The following SOX5 variants were observed in gnomAD, a reference collection of about 807,000 sequenced individuals.
The protein encoded by SOX5 is transcription factor SOX-5.
Under a neutral mutation model 92.0 loss-of-function variants are expected in SOX5, and 9 were observed. That is an observed-to-expected ratio of 0.10 (90% CI 0.06 to 0.17). The LOEUF (loss-of-function observed/expected upper bound fraction) is 0.17. Among genes scored for constraint, SOX5 ranks in the 10% least tolerant of loss-of-function variants. The pLI is 1.00. For synonymous variants in SOX5, 344 were observed against 336.3 expected, an observed-to-expected ratio of 1.02 and a Z score of -0.25; for missense variants, 642 against 944.5, an observed-to-expected ratio of 0.68 and a Z score of 4.20.
chr12:23,841,486 G>C (rs1468755945), intron 3 of SOX5, among the ~76,000 whole-genome samples: 1 of 152,000 alleles, frequency 6.6e-6, no homozygotes, highest in Non-Finnish European at 1.5e-5. Flanking sequence ...CACATAAAAA[G>C]CTGCACATGA....
rs1275308632 is a variant in SOX5 at position 24,393,103 on chromosome 12, AATTAT to A, written c.-250-24469_-250-24465del. 1.3e-5 allele frequency among the ~76,000 whole-genome samples: 2 copies of A among 152,176 alleles called. No homozygotes were observed. The highest frequency in any genetic ancestry group is 4.8e-5 in the African/African-American group (2 of 41,434). On this transcript the variant is annotated intron_variant, in intron 1 of 4. Transcript: ENST00000446891. The surrounding 1 kb of genome is among the most constrained non-coding windows in gnomAD (Gnocchi z 5.0). ...TTTCTATCTCAACCACCACTCTCCC[AATTAT>A]AATAAATGAATAAAGTAGATTGAAG...
At chr12:23,616,739 T>A (rs2076599685) in intron 8 of SOX5, among the ~76,000 whole-genome samples, 1 of 151,928 alleles carries the variant, frequency 6.6e-6, no homozygotes, top group Admixed American at 6.6e-5. Context: ...AGTTGTTGGG[T>A]GTATAAGGGT....
chr12:23,775,869 C>T (rs1334896582), intron 3 of SOX5, among the ~76,000 whole-genome samples: 3 of 152,158 alleles, frequency 2.0e-5, no homozygotes, highest in Non-Finnish European at 4.4e-5. Context: ...CCTTCTTTGA[C>T]ATACCATCTA....
intron 3 of SOX5, among the ~76,000 whole-genome samples, chr12:23,767,146 G>A (rs55791539): frequency 0.02 from 2,966 of 151,970 alleles, 87 homozygotes; most frequent in African/African-American, 0.064. Context: ...GGTAGAGGCT[G>A]CAGTGAGCCA....
At chr12:24,213,988 ATACTT>A (rs1958952397) in intron 3 of SOX5, among the ~76,000 whole-genome samples, 1 of 151,866 alleles carries the variant, frequency 6.6e-6, no homozygotes, top group African/African-American at 2.4e-5. Context: ...TAGAGCTACA[ATACTT>A]TACGCAAAAC....
chr12:24,430,238 T>G (rs889391161), intron 1 of SOX5, among the ~76,000 whole-genome samples: 3 of 152,160 alleles, frequency 2.0e-5, no homozygotes, highest in African/African-American at 7.2e-5. Flanking sequence ...GTTCTTAATC[T>G]TTGGTGTTTG....
intron 1 of SOX5, among the ~76,000 whole-genome samples, chr12:23,937,015 ACTTTC>A (rs1489728848): frequency 1.3e-5 from 2 of 150,990 alleles, no homozygotes; most frequent in Admixed American, 1.3e-4. Flanking sequence ...GTTTCTTTAT[ACTTTC>A]CTAAATCACA....
chr12:23,620,908 A>G (rs2077095730), intron 8 of SOX5, among the ~76,000 whole-genome samples: 1 of 152,108 alleles, frequency 6.6e-6, no homozygotes, highest in East Asian at 1.9e-4. Context: ...TACTCTAAAT[A>G]ATTAGAAAAT....
chr12:24,317,171 A>G (rs1949771250), intron 2 of SOX5, among the ~76,000 whole-genome samples: 1 of 152,238 alleles, frequency 6.6e-6, no homozygotes. Context: ...AGCACTGACT[A>G]TAAAATATGC....
intron 6 of SOX5, among the ~76,000 whole-genome samples, chr12:23,721,800 G>C (rs1053195250): frequency 5.9e-5 from 9 of 152,200 alleles, no homozygotes; most frequent in Non-Finnish European, 1.2e-4. Flanking sequence ...GATTATACAT[G>C]AAGTTTAGCC....
chr12:24,526,091 A>G (rs1318915933), intron 1 of SOX5, among the ~76,000 whole-genome samples: 3 of 152,076 alleles, frequency 2.0e-5, no homozygotes, highest in African/African-American at 7.2e-5. Flanking sequence ...GGCCGGTCTC[A>G]TACTCCTCGG....
chr12:24,435,634 T>C (rs1018965314), intron 1 of SOX5, among the ~76,000 whole-genome samples: 1 of 152,230 alleles, frequency 6.6e-6, no homozygotes, highest in Non-Finnish European at 1.5e-5. Flanking sequence ...TATTTTGTCA[T>C]AAAATCAAGA....
intron 10 of SOX5, among the ~76,000 whole-genome samples, chr12:23,572,791 G>A (rs779259582): frequency 1.3e-5 from 2 of 152,186 alleles, no homozygotes; most frequent in Non-Finnish European, 2.9e-5. Flanking sequence ...TTAGGATGCT[G>A]AGCAGAGTAA....
At chr12:24,037,152 A>G (rs1368513190) in intron 4 of SOX5, among the ~76,000 whole-genome samples, 1 of 152,168 alleles carries the variant, frequency 6.6e-6, no homozygotes, top group Non-Finnish European at 1.5e-5. Flanking sequence ...GGGAGAAAAT[A>G]AACCATTTTT....
At chr12:24,380,091 A>G (rs868385998) in intron 1 of SOX5, among the ~76,000 whole-genome samples, 1 of 152,250 alleles carries the variant, frequency 6.6e-6, no homozygotes, top group Non-Finnish European at 1.5e-5. Context: ...TTGCATCATC[A>G]TTAACATGGA....
intron 6 of SOX5, among the ~76,000 whole-genome samples, chr12:23,729,457 A>G (rs2093305192): frequency 6.6e-6 from 1 of 152,186 alleles, no homozygotes; most frequent in African/African-American, 2.4e-5. Context: ...CCTACATACT[A>G]TGCAATGCAC....
At chr12:23,553,340 A>G (rs369352183) in intron 11 of SOX5, among the ~76,000 whole-genome samples, 5 of 152,030 alleles carry the variant, frequency 3.3e-5, no homozygotes, top group African/African-American at 1.2e-4. Flanking sequence ...AGTCCTTAAA[A>G]TAGAAAACCG....
chr12:24,113,483 G>A (rs1947618065), intron 4 of SOX5, among the ~76,000 whole-genome samples: 1 of 151,948 alleles, frequency 6.6e-6, no homozygotes, highest in African/African-American at 2.4e-5. Context: ...TGGTAGAAAG[G>A]CCTTTGGCTC....
chr12:23,923,490 T>G (rs527544142), intron 1 of SOX5, among the ~76,000 whole-genome samples: 140 of 152,144 alleles, frequency 9.2e-4, no homozygotes, highest in Non-Finnish European at 1.7e-3. Context: ...TTAATAAACA[T>G]CACTTGAATG....
Sources: allele counts gnomAD v4.1 joint callset (sites outside exome capture counted in the v4.1 genomes callset), GRCh38; gene constraint gnomAD v4.1.1; non-coding constraint Gnocchi (gnomAD v3.1); transcripts MANE v1.5; gene names NCBI Gene and HGNC (gene_info 2026-07-23, HGNC 2026-07-21).